Variants in SORCS3 observed in about 807,000 individuals in gnomAD.
SORCS3 encodes the protein VPS10 domain-containing receptor SorCS3.
SORCS3 carries 57 observed loss-of-function variants against 146.3 expected under a neutral mutation model. That is an observed-to-expected ratio of 0.39 (90% CI 0.31 to 0.49). The LOEUF is 0.49. SORCS3 is among the 20% of genes least tolerant of loss of function. The pLI, the probability that SORCS3 is intolerant of heterozygous loss-of-function variation, is 0.92. For missense variants in SORCS3, 1,341 were observed against 1,575.5 expected, an observed-to-expected ratio of 0.85 and a Z score of 2.52; for synonymous variants, 653 against 618.5, an observed-to-expected ratio of 1.06 and a Z score of -0.83.
At chr10:105,190,079 A>G (rs1352948065) in intron 14 of SORCS3, among the ~76,000 whole-genome samples, 3 of 152,232 alleles carry the variant, frequency 2.0e-5, no homozygotes, top group Admixed American at 2.0e-4. Context: ...TGGAGGTGAG[A>G]GCATCCCATT....
chr10:104,789,353 T>C (rs1376024715), intron 1 of SORCS3, among the ~76,000 whole-genome samples: 1 of 152,140 alleles, frequency 6.6e-6, no homozygotes, highest in East Asian at 1.9e-4. Context: ...GGAGGAAAAT[T>C]GACCGGATAG....
At chr10:105,000,071 A>G (rs2055051931) in intron 4 of SORCS3, among the ~76,000 whole-genome samples, 1 of 152,076 alleles carries the variant, frequency 6.6e-6, no homozygotes. Flanking sequence ...GAATGAATGA[A>G]TGAATGAATG....
chr10:104,688,006 A>AAGAGGGATT (rs1390263389), intron 1 of SORCS3, among the ~76,000 whole-genome samples: 1 of 152,238 alleles, frequency 6.6e-6, no homozygotes, highest in African/African-American at 2.4e-5. Context: ...GAGCAAAAAG[A>AAGAGGGATT]AGAGGGATTT....
At chr10:105,054,210 C>T (rs2055431302) in intron 5 of SORCS3, among the ~76,000 whole-genome samples, 1 of 151,702 alleles carries the variant, frequency 6.6e-6, no homozygotes, top group African/African-American at 2.4e-5. Context: ...AACGTTTATT[C>T]TTTGGTTTTT....
At chr10:105,007,293 A>C (rs2055102284) in intron 4 of SORCS3, among the ~76,000 whole-genome samples, 1 of 152,104 alleles carries the variant, frequency 6.6e-6, no homozygotes, top group African/African-American at 2.4e-5. Flanking sequence ...GCTCTCAAGG[A>C]TCTTTACAGT....
At chr10:104,954,083 G>A (rs1027803266) in intron 3 of SORCS3, among the ~76,000 whole-genome samples, 3 of 152,076 alleles carry the variant, frequency 2.0e-5, no homozygotes. Context: ...AGGCAGATAT[G>A]TATATATATA....
rs570938476 is a variant in SORCS3 at position 105,084,022 on chromosome 10, G to A, written c.1029-5753G>A. On this transcript the variant is annotated intron_variant, in intron 5 of 26. Coordinates refer to ENST00000369701, the MANE Select transcript of SORCS3 (RefSeq NM_014978.3). ...TGAGTCTGAGTTTTGTTGCTTCGTG[G>A]CTACATGTCTTTGGGCAAGTTGTTT... is the stretch of plus-strand genomic sequence containing the variant. Among the ~76,000 whole-genome samples, 415 of 152,270 alleles carry A rather than the reference G, an allele frequency of 2.7e-3. 3 individuals are homozygous for A. Among genetic ancestry groups the A allele is most frequent in the African/African-American group, 9.4e-3 (391 of 41,548 alleles).
intron 5 of SORCS3, among the ~76,000 whole-genome samples, chr10:105,053,892 G>T (rs2055428940): frequency 6.6e-6 from 1 of 151,654 alleles, no homozygotes; most frequent in African/African-American, 2.4e-5. Flanking sequence ...ATTTTTTTAG[G>T]ATAGACTACC....
At chr10:104,717,321 A>T (rs1481460285) in intron 1 of SORCS3, among the ~76,000 whole-genome samples, 2 of 151,632 alleles carry the variant, frequency 1.3e-5, no homozygotes, top group Non-Finnish European at 2.9e-5. Context: ...AAAAAAAGGA[A>T]AAAGAAAATG....
intron 1 of SORCS3, among the ~76,000 whole-genome samples, chr10:104,714,914 A>G (rs190975107): frequency 4.6e-4 from 70 of 152,338 alleles, no homozygotes; most frequent in African/African-American, 1.6e-3. Flanking sequence ...AGGCATTATT[A>G]GGAAGACCAG....
intron 1 of SORCS3, among the ~76,000 whole-genome samples, chr10:104,712,632 G>A (rs1019135917): frequency 2.0e-5 from 3 of 152,158 alleles, no homozygotes; most frequent in Non-Finnish European, 4.4e-5. Flanking sequence ...AGTATGTCTA[G>A]GGAAGGAAGA....
intron 5 of SORCS3, among the ~76,000 whole-genome samples, chr10:105,058,773 A>G (rs2055463113): frequency 6.6e-6 from 1 of 152,188 alleles, no homozygotes; most frequent in African/African-American, 2.4e-5. Flanking sequence ...GAGAACCGGC[A>G]GTGAATACCT....
chr10:105,118,970 C>A (rs2055912089), intron 7 of SORCS3, among the ~76,000 whole-genome samples: 1 of 152,146 alleles, frequency 6.6e-6, no homozygotes, highest in Non-Finnish European at 1.5e-5. Flanking sequence ...AAGTAATGAG[C>A]CAAATGTTAA....
At chr10:105,216,576 T>C (rs1220652838) in intron 18 of SORCS3, among the ~76,000 whole-genome samples, 1 of 152,192 alleles carries the variant, frequency 6.6e-6, no homozygotes, top group Non-Finnish European at 1.5e-5. Flanking sequence ...TATTAGCTGC[T>C]ACTATGATTG....
At chr10:104,972,697 C>T (rs1174112558) in intron 3 of SORCS3, among the ~76,000 whole-genome samples, 2 of 151,878 alleles carry the variant, frequency 1.3e-5, no homozygotes, top group African/African-American at 4.8e-5. Flanking sequence ...AGACAGAAGA[C>T]CACAAAAAAT....
chr10:105,146,890 A>G (rs989738416), intron 8 of SORCS3, among the ~76,000 whole-genome samples: 1 of 152,134 alleles, frequency 6.6e-6, no homozygotes, highest in Non-Finnish European at 1.5e-5. Flanking sequence ...AGAAAATTGA[A>G]GTTCAGAGAA....
At chr10:105,253,641 G>A (rs1318443038) in intron 23 of SORCS3, among the ~76,000 whole-genome samples, 1 of 152,158 alleles carries the variant, frequency 6.6e-6, no homozygotes. Flanking sequence ...GTGAGCATGA[G>A]GCTGCAGAAA....
chr10:105,058,215 T>C (rs935369208), intron 5 of SORCS3, among the ~76,000 whole-genome samples: 2 of 152,186 alleles, frequency 1.3e-5, no homozygotes, highest in Admixed American at 6.5e-5. Context: ...GGTCAGACCC[T>C]GGAACCAGTC....
chr10:104,909,111 C>T (rs2018939171), intron 2 of SORCS3, among the ~76,000 whole-genome samples: 1 of 152,134 alleles, frequency 6.6e-6, no homozygotes, highest in Non-Finnish European at 1.5e-5. Flanking sequence ...AATCATACCC[C>T]TCCTGCTTTT....
Sources: allele counts gnomAD v4.1 joint callset (sites outside exome capture counted in the v4.1 genomes callset), GRCh38; gene constraint gnomAD v4.1.1; transcripts MANE v1.5; gene names NCBI Gene and HGNC (gene_info 2026-07-23, HGNC 2026-07-21).